PTDSS1: variants seen among roughly 807,000 people sequenced by gnomAD.
The protein encoded by PTDSS1 is PSS-1.
In PTDSS1, 45 loss-of-function variants were observed where a neutral mutation model predicts 70.5. The observed-to-expected ratio is 0.64, with a 90% CI of 0.50 to 0.82. The LOEUF is 0.82. Ranked by LOEUF, PTDSS1 falls within the 40% of genes least tolerant of loss-of-function variation. The pLI is 0.00. For synonymous variants in PTDSS1, 188 were observed against 203.8 expected (o/e 0.92, Z 0.66); for missense variants, 417 against 586.1 (o/e 0.71, Z 2.98).
intron 1 of PTDSS1, among the ~76,000 whole-genome samples, chr8:96,263,068 G>T (rs1275796730): frequency 6.6e-6 from 1 of 152,142 alleles, no homozygotes; most frequent in African/African-American, 2.4e-5. Context: ...TATAGTAACT[G>T]CTGTGTGTTA....
chr8:96,286,999 CA>C, intron 3 of PTDSS1, 22 bp from the exon 4 acceptor site: 1 of 1,613,272 alleles, frequency 6.2e-7, no homozygotes, highest in South Asian at 1.1e-5. Context: ...TTCTAAACTT[CA>C]GCATGTTTTT....
At chr8:96,313,002 G>A (rs186532859) in intron 9 of PTDSS1, among the ~76,000 whole-genome samples, 18 of 152,208 alleles carry the variant, frequency 1.2e-4, no homozygotes, top group African/African-American at 4.3e-4. Context: ...GTAAGGTGGA[G>A]AAATGAGAGG....
At chr8:96,282,454 A>G (rs1219683033) in intron 2 of PTDSS1, among the ~76,000 whole-genome samples, 2 of 152,194 alleles carry the variant, frequency 1.3e-5, no homozygotes, top group Non-Finnish European at 2.9e-5. Context: ...GAACTCAGAA[A>G]TCAAACAGAT....
intron 11 of PTDSS1, chr8:96,330,793 C>T (rs1811504618): frequency 1.9e-6 from 1 of 521,350 alleles, no homozygotes. Context: ...TTTATTTACA[C>T]CTTCAGTCTA....
intron 10 of PTDSS1, among the ~76,000 whole-genome samples, chr8:96,325,815 A>G (rs1811430736): frequency 6.6e-6 from 1 of 152,180 alleles, no homozygotes; most frequent in African/African-American, 2.4e-5. Flanking sequence ...AGAGATAAGC[A>G]AGATAGAGGA....
Position 96,306,492 on chromosome 8 carries a change from G to T in PTDSS1, c.943G>T (p.Ala315Ser). The change falls in exon 8 of 13, where the codon GCC becomes TCC. Residue 315 changes from alanine (A) to serine (S), a missense_variant. Ala to Ser is a moderately conservative substitution (Grantham distance 99). Coordinates refer to ENST00000517309, the MANE Select transcript of PTDSS1 (RefSeq NM_014754.3). ...CTTGAAGCATATCTTTGTGTTCCAA[G>T]CCAGTCATCCATTAAGTTGGGGTAG... ...FFLKHIFVFQ[A>S]SHPLSWGRIL... 1 of 1,614,126 alleles carries T rather than the reference G, an allele frequency of 6.2e-7. No homozygotes were observed. Among genetic ancestry groups the T allele is most frequent in the Non-Finnish European group, 8.5e-7 (1 of 1,180,002 alleles).
chr8:96,262,360 C>A lies in PTDSS1; in HGVS notation c.179+141C>A. The A allele has an allele frequency of 8.6e-7, 1 of 1,158,470 alleles. No homozygotes were observed. Among genetic ancestry groups the A allele is most frequent in the Non-Finnish European group, 1.2e-6 (1 of 847,926 alleles). The allele number at this position is 1,158,470 out of a possible 1,614,324, so 71.8% of individuals were successfully genotyped here. ...CCACGCACACGCACTGGCAGCCCGCCGCCCACGCGGCCCCTCCGCCCGCCC... is the reference window on the plus strand; with the variant it reads ...CCACGCACACGCACTGGCAGCCCGCAGCCCACGCGGCCCCTCCGCCCGCCC... On this transcript the variant is annotated intron_variant, in intron 1 of 12. Transcript: ENST00000517309. The surrounding 1 kb of genome is among the most constrained non-coding windows in gnomAD (Gnocchi z 4.4).
At chr8:96,305,396 C>T (rs1209165703) in intron 7 of PTDSS1, among the ~76,000 whole-genome samples, 4 of 152,218 alleles carry the variant, frequency 2.6e-5, no homozygotes, top group South Asian at 2.1e-4. Context: ...ACTGTGTTCT[C>T]CTAGCACAGT....
At chr8:96,277,148 A>T (rs1198315061) in intron 2 of PTDSS1, among the ~76,000 whole-genome samples, 1 of 152,230 alleles carries the variant, frequency 6.6e-6, no homozygotes, top group Non-Finnish European at 1.5e-5. Context: ...GAGGACTTGG[A>T]TTCTCTTCAA....
intron 4 of PTDSS1, among the ~76,000 whole-genome samples, chr8:96,292,080 A>T (rs1810915086): frequency 6.6e-6 from 1 of 151,964 alleles, no homozygotes; most frequent in Non-Finnish European, 1.5e-5. Flanking sequence ...GGAGTTTGAG[A>T]CCAGCCTGGT....
intron 1 of PTDSS1, among the ~76,000 whole-genome samples, chr8:96,266,735 G>C: frequency 6.6e-6 from 1 of 152,214 alleles, no homozygotes; most frequent in Non-Finnish European, 1.5e-5. Context: ...GGTGAACATT[G>C]TGTTAGGTTG....
At chr8:96,320,897 T>C (rs1056370019) in intron 10 of PTDSS1, among the ~76,000 whole-genome samples, 11 of 152,234 alleles carry the variant, frequency 7.2e-5, no homozygotes, top group African/African-American at 2.7e-4. Flanking sequence ...GCCTAAGCCT[T>C]GGTTCTTTTG....
chr8:96,318,774 G>A (rs1811330974), intron 9 of PTDSS1, among the ~76,000 whole-genome samples: 1 of 152,114 alleles, frequency 6.6e-6, no homozygotes, highest in African/African-American at 2.4e-5. Flanking sequence ...CTGCTTTGCT[G>A]AAGTGGTTCT....
rs1337737845 is a variant in PTDSS1, at chr8:96,333,755, G to T, written c.*189G>T. 2 of 716,272 alleles carry T rather than the reference G, an allele frequency of 2.8e-6. No individual in the cohort carries two copies. The highest frequency in any genetic ancestry group is 5.0e-6 in the Non-Finnish European group (2 of 397,450). 44.4% of individuals were successfully genotyped at this position (716,272 alleles called of 1,614,324 possible). A position where few individuals can be genotyped will look rare whatever the true frequency, so the allele number is the denominator to read the frequency against. On this transcript the variant is annotated 3_prime_UTR_variant, in exon 13 of 13. Transcript: ENST00000517309. ...ACCTGGCCGCGTCAGGCAGATCATC[G>T]CCTGGGGGGCCTTTGCCAACGTGGG...
At chr8:96,286,708 G>A (rs1586189926) in intron 3 of PTDSS1, among the ~76,000 whole-genome samples, 1 of 152,170 alleles carries the variant, frequency 6.6e-6, no homozygotes, top group Admixed American at 6.5e-5. Flanking sequence ...CGACCTGCAT[G>A]CTGTTCTCTA....
chr8:96,291,285 A>G (rs1366564616), intron 4 of PTDSS1, among the ~76,000 whole-genome samples: 1 of 152,168 alleles, frequency 6.6e-6, no homozygotes. Flanking sequence ...TTTATTATGA[A>G]AAATTTTAAA....
chr8:96,275,098 G>C lies in PTDSS1; in HGVS notation c.271+1708G>C, dbSNP rs917843867. On this transcript the variant is annotated intron_variant, in intron 2 of 12. Transcript: ENST00000517309. ...TGAAGACAAGTTGTGCATAATATGGGTAAGTCATGGAATAAAGGGGTGTTG... is the reference window on the plus strand; with the variant it reads ...TGAAGACAAGTTGTGCATAATATGGCTAAGTCATGGAATAAAGGGGTGTTG... Among the ~76,000 whole-genome samples the C allele has an allele frequency of 3.3e-5, 5 of 152,102 alleles. 1 individual carries two copies. The South Asian group carries it at 1.0e-3, about 32-fold the overall frequency.
intron 12 of PTDSS1, 84 bp from the exon 13 acceptor site, chr8:96,333,373 C>G: frequency 3.2e-6 from 4 of 1,243,480 alleles, no homozygotes; most frequent in Non-Finnish European, 4.7e-6. Context: ...ACCTGTTCCC[C>G]GGCAAGCCTA....
At chr8:96,268,051 C>G (rs1359278537) in intron 1 of PTDSS1, among the ~76,000 whole-genome samples, 1 of 152,186 alleles carries the variant, frequency 6.6e-6, no homozygotes, top group East Asian at 1.9e-4. Flanking sequence ...ATATTAGTTT[C>G]TGTATCAGCT....
Sources: gnomAD v4.1 joint callset for allele counts (sites outside exome capture counted in the v4.1 genomes callset) on GRCh38, gnomAD v4.1.1 for gene constraint, Gnocchi (gnomAD v3.1) non-coding constraint, MANE v1.5 for transcripts, NCBI Gene and HGNC (gene_info 2026-07-23, HGNC 2026-07-21) for gene names.